Variants in CCDC146 observed in about 807,000 individuals in gnomAD.
The protein encoded by CCDC146 is coiled-coil domain containing 146.
In CCDC146, 92 loss-of-function variants were observed where a neutral mutation model predicts 119.3. The ratio of observed to expected loss-of-function variants is 0.77; its 90% CI spans 0.65 to 0.92. The LOEUF (loss-of-function observed/expected upper bound fraction) is 0.92, where lower values mean the gene tolerates loss of function less well. Among genes scored for constraint, CCDC146 ranks in the 40% least tolerant of loss-of-function variants. CCDC146 has a pLI of 0.00. For missense variants in CCDC146, 1,000 were observed against 1,103.0 expected (o/e 0.91, Z 1.32); for synonymous variants, 372 against 371.8 (o/e 1.00, Z -0.01).
At chr7:77,193,086 G>A (rs1448295607) in intron 2 of CCDC146, among the ~76,000 whole-genome samples, 1 of 152,190 alleles carries the variant, frequency 6.6e-6, no homozygotes, top group Non-Finnish European at 1.5e-5. Context: ...AGACTATTCA[G>A]ATGCGTTTGT....
intron 2 of CCDC146, among the ~76,000 whole-genome samples, chr7:77,172,124 CAA>C (rs1048881452): frequency 6.6e-6 from 1 of 152,184 alleles, no homozygotes; most frequent in African/African-American, 2.4e-5. Context: ...TGATAAATTG[CAA>C]ACTTTCGGAA....
intron 9 of CCDC146, among the ~76,000 whole-genome samples, chr7:77,263,390 C>T (rs1399458802): frequency 6.6e-6 from 1 of 152,182 alleles, no homozygotes; most frequent in African/African-American, 2.4e-5. Context: ...GCCGGGAATG[C>T]TGAGCCAACA....
intron 2 of CCDC146, among the ~76,000 whole-genome samples, chr7:77,229,661 C>T (rs956233312): frequency 6.6e-6 from 1 of 151,950 alleles, no homozygotes; most frequent in African/African-American, 2.4e-5. Flanking sequence ...ATGGACAAAG[C>T]TAGGGAAAAA....
At chr7:77,180,897 T>C (rs1400484447) in intron 2 of CCDC146, among the ~76,000 whole-genome samples, 1 of 152,240 alleles carries the variant, frequency 6.6e-6, no homozygotes, top group East Asian at 1.9e-4. Context: ...TCTAACTTTT[T>C]GACCATTGTC....
intron 1 of CCDC146, among the ~76,000 whole-genome samples, chr7:77,145,983 C>T (rs1273459729): frequency 6.6e-6 from 1 of 151,898 alleles, no homozygotes; most frequent in Non-Finnish European, 1.5e-5. Context: ...TGTTAACTTT[C>T]TGTCTCATTG....
chr7:77,193,238 T>A (rs1011261336), intron 2 of CCDC146: 9 of 152,252 alleles, frequency 5.9e-5, no homozygotes, highest in African/African-American at 1.9e-4. Flanking sequence ...GGAAGTAAGA[T>A]AATGGTGTTC....
Position 77,268,628 on chromosome 7 carries a change from T to G in CCDC146, c.1174-5066T>G, listed in dbSNP as rs1305245816. On this transcript the variant is annotated intron_variant, in intron 9 of 18. Coordinates refer to ENST00000285871, the MANE Select transcript of CCDC146 (RefSeq NM_020879.3). The stretch of plus-strand genomic sequence containing the variant: ...TTGGAGGAGGGGACATGCCTTCCAG[T>G]AGCTTCATGAGAAAAATGTTAGTGA... Among the ~76,000 whole-genome samples the G allele has an allele frequency of 1.1e-3, 173 of 152,352 alleles. 1 individual carries two copies. Among genetic ancestry groups the G allele is most frequent in the Non-Finnish European group, 1.2e-4 (8 of 68,032 alleles).
At chr7:77,183,345 A>G (rs1791618028) in intron 2 of CCDC146, among the ~76,000 whole-genome samples, 1 of 152,058 alleles carries the variant, frequency 6.6e-6, no homozygotes, top group Admixed American at 6.6e-5. Flanking sequence ...AGGTGCAGAC[A>G]CAGAACTGAG....
intron 3 of CCDC146, among the ~76,000 whole-genome samples, chr7:77,238,439 C>T (rs1792780206): frequency 1.3e-5 from 2 of 151,796 alleles, no homozygotes; most frequent in South Asian, 4.1e-4. Context: ...TTTTTTTAGA[C>T]AGAGTCTCCC....
In CCDC146 at chr7:77,167,749, A is replaced by G. The variant is rs1791357705; in HGVS notation, c.81A>G (p.Ile27Met). The part of the protein sequence containing the change: ...DEKDQEPIYA[I>M]VPTINIQDER... ...AGGATCAAGAGCCCATTTATGCCAT[A>G]GTGCCCACAATTAACATTCAAGATG... The change falls in exon 2 of 19, where the codon ATA becomes ATG. Residue 27 changes from isoleucine to methionine, a missense_variant. Coordinates refer to ENST00000285871, the MANE Select transcript of CCDC146 (RefSeq NM_020879.3). 1 of 1,611,900 alleles carries G rather than the reference A, an allele frequency of 6.2e-7. No homozygotes were observed.
intron 2 of CCDC146, among the ~76,000 whole-genome samples, chr7:77,216,808 A>G (rs1230452171): frequency 1.3e-5 from 2 of 152,206 alleles, no homozygotes; most frequent in African/African-American, 4.8e-5. Context: ...GTCAAAGCTC[A>G]TAAAGTACAG....
At chr7:77,179,962 T>G (rs1340871783) in intron 2 of CCDC146, among the ~76,000 whole-genome samples, 1 of 152,200 alleles carries the variant, frequency 6.6e-6, no homozygotes, top group East Asian at 1.9e-4. Flanking sequence ...ATGGCTTATT[T>G]CACTTAGCAT....
intron 2 of CCDC146, among the ~76,000 whole-genome samples, chr7:77,172,174 TAAC>T (rs1381194591): frequency 6.6e-6 from 1 of 152,234 alleles, no homozygotes; most frequent in Non-Finnish European, 1.5e-5. Context: ...TTTATTTCCG[TAAC>T]AACACCACTA....
At chr7:77,276,200 C>T (rs1793632636) in intron 11 of CCDC146, among the ~76,000 whole-genome samples, 3 of 68,384 alleles carry the variant, frequency 4.4e-5, no homozygotes, top group African/African-American at 2.1e-4. Context: ...AGCGAGACTT[C>T]CTCTCAAAAA....
intron 1 of CCDC146, among the ~76,000 whole-genome samples, chr7:77,132,652 A>G (rs765398451): frequency 2.8e-4 from 42 of 152,134 alleles, no homozygotes; most frequent in South Asian, 2.7e-3. Flanking sequence ...CAGGAGAATC[A>G]GTTGAGTCCA....
At chr7:77,135,829 C>T (rs1790854024) in intron 1 of CCDC146, among the ~76,000 whole-genome samples, 1 of 152,068 alleles carries the variant, frequency 6.6e-6, no homozygotes, top group Non-Finnish European at 1.5e-5. Flanking sequence ...GAAAAATATA[C>T]CCTGTTAACA....
At chr7:77,283,663 AT>A (rs1258830586) in intron 15 of CCDC146, among the ~76,000 whole-genome samples, 1 of 152,158 alleles carries the variant, frequency 6.6e-6, no homozygotes, top group African/African-American at 2.4e-5. Flanking sequence ...TCTGGGAGAC[AT>A]CTTGTCATTT....
At chr7:77,290,538 T>G (rs1449694567) in intron 17 of CCDC146, among the ~76,000 whole-genome samples, 1 of 152,216 alleles carries the variant, frequency 6.6e-6, no homozygotes, top group East Asian at 1.9e-4. Context: ...TTAGCTTATC[T>G]AAGTCTTAGC....
At chr7:77,226,353 G>A (rs1792513817) in intron 2 of CCDC146, among the ~76,000 whole-genome samples, 1 of 152,198 alleles carries the variant, frequency 6.6e-6, no homozygotes, top group African/African-American at 2.4e-5. Context: ...AACAGGGTAG[G>A]CAAATAGCTG....
Sources: gnomAD v4.1 joint callset for allele counts (sites outside exome capture counted in the v4.1 genomes callset) on GRCh38, gnomAD v4.1.1 for gene constraint, MANE v1.5 for transcripts, NCBI Gene and HGNC (gene_info 2026-07-23, HGNC 2026-07-21) for gene names.